NTRK3: variants seen among roughly 807,000 people sequenced by gnomAD.
NTRK3 encodes the protein neurotrophic receptor tyrosine kinase 3, also known as NT-3 growth factor receptor.
Under a neutral mutation model 91.7 loss-of-function variants are expected in NTRK3, and 24 were observed. The ratio of observed to expected loss-of-function variants is 0.26; its 90% CI spans 0.19 to 0.37. The LOEUF is 0.37. NTRK3 is among the 10% of genes least tolerant of loss of function. The pLI is 1.00. For synonymous variants in NTRK3, 483 were observed against 404.0 expected (o/e 1.20, Z -2.34); for missense variants, 880 against 1,068.9 (o/e 0.82, Z 2.46).
intron 13 of NTRK3, among the ~76,000 whole-genome samples, chr15:88,095,181 A>C (rs2049458108): frequency 6.6e-6 from 1 of 152,248 alleles, no homozygotes; most frequent in Non-Finnish European, 1.5e-5. Flanking sequence ...CTTCAAGTCA[A>C]TGGTCCCATG....
intron 5 of NTRK3, among the ~76,000 whole-genome samples, chr15:88,157,171 ACT>A (rs1427458724): frequency 6.6e-6 from 1 of 151,504 alleles, no homozygotes; most frequent in East Asian, 1.9e-4. Context: ...GCCAAGCCAG[ACT>A]CTCCCAGTGG....
intron 13 of NTRK3, among the ~76,000 whole-genome samples, chr15:88,081,725 T>G (rs751514962): frequency 6.6e-6 from 1 of 152,212 alleles, no homozygotes; most frequent in Non-Finnish European, 1.5e-5. Flanking sequence ...TAAATGGGGC[T>G]GAAGTACCTG....
At chr15:88,113,777 C>T (rs1018000920) in intron 13 of NTRK3, among the ~76,000 whole-genome samples, 2 of 152,198 alleles carry the variant, frequency 1.3e-5, no homozygotes, top group African/African-American at 4.8e-5. Flanking sequence ...GCTACAACAG[C>T]AGCCTTGAGT....
intron 13 of NTRK3, among the ~76,000 whole-genome samples, chr15:88,121,732 C>T (rs1422996651): frequency 6.6e-6 from 1 of 152,244 alleles, no homozygotes; most frequent in East Asian, 1.9e-4. Context: ...ACCTCCAGGG[C>T]CCTGCTCCAG....
chr15:88,151,221 C>G (rs1228356466), intron 5 of NTRK3, among the ~76,000 whole-genome samples: 18 of 152,158 alleles, frequency 1.2e-4, no homozygotes, highest in Non-Finnish European at 1.5e-5. Context: ...CCCCTTCTAT[C>G]TCTCGCCTGA....
intron 13 of NTRK3, among the ~76,000 whole-genome samples, chr15:88,100,595 A>G (rs968548244): frequency 1.3e-5 from 2 of 152,226 alleles, no homozygotes; most frequent in Admixed American, 1.3e-4. Context: ...GAAGAAGGGC[A>G]TAAGAAAAAG....
chr15:87,935,905 A>T (rs889110996), intron 15 of NTRK3, among the ~76,000 whole-genome samples: 20 of 152,190 alleles, frequency 1.3e-4, no homozygotes, highest in Admixed American at 3.9e-4. Context: ...CTGTGCTTTC[A>T]AAGTGGGCTT....
intron 13 of NTRK3, among the ~76,000 whole-genome samples, chr15:88,077,518 C>G (rs775270474): frequency 3.0e-4 from 45 of 151,968 alleles, no homozygotes; most frequent in Non-Finnish European, 6.0e-4. Context: ...CCTTGAGAAA[C>G]CCGGCACTTT....
chr15:87,909,009 A>T (rs781637459), intron 17 of NTRK3, among the ~76,000 whole-genome samples: 9 of 152,126 alleles, frequency 5.9e-5, no homozygotes, highest in Non-Finnish European at 1.0e-4. Flanking sequence ...TCAAAGAAAC[A>T]GCGCTTTCTC....
chr15:88,085,360 C>A (rs956604942), intron 13 of NTRK3, among the ~76,000 whole-genome samples: 2 of 152,186 alleles, frequency 1.3e-5, no homozygotes, highest in Non-Finnish European at 2.9e-5. Context: ...CAATGAAATG[C>A]AAGGGAGGTG....
intron 14 of NTRK3, among the ~76,000 whole-genome samples, chr15:88,000,890 T>C (rs2076053119): frequency 1.3e-5 from 2 of 152,232 alleles, no homozygotes; most frequent in African/African-American, 4.8e-5. Context: ...GTAGGTCATA[T>C]GGTAATTCAA....
chr15:88,096,622 C>A (rs1446568175), intron 13 of NTRK3, among the ~76,000 whole-genome samples: 2 of 152,148 alleles, frequency 1.3e-5, no homozygotes, highest in African/African-American at 4.8e-5. Context: ...CAGGTACAAC[C>A]CAGAAGTGTG....
chr15:88,166,498 G>A (rs528708707), intron 5 of NTRK3, among the ~76,000 whole-genome samples: 34 of 152,330 alleles, frequency 2.2e-4, no homozygotes, highest in African/African-American at 8.2e-4. Context: ...TCTCTGGGGA[G>A]CTGTTCATAG....
At chr15:88,082,949 C>G (rs2048188719) in intron 13 of NTRK3, among the ~76,000 whole-genome samples, 1 of 152,164 alleles carries the variant, frequency 6.6e-6, no homozygotes, top group Non-Finnish European at 1.5e-5. Context: ...TCCAAATATA[C>G]AGTGTTTCTC....
At chr15:88,143,432 A>T (rs1597570962) in intron 6 of NTRK3, among the ~76,000 whole-genome samples, 1 of 152,150 alleles carries the variant, frequency 6.6e-6, no homozygotes, top group African/African-American at 2.4e-5. Context: ...CTTATTTCAA[A>T]CTTCTGGCCT....
chr15:88,018,254 A>G (rs975862705), intron 14 of NTRK3, among the ~76,000 whole-genome samples: 7 of 152,220 alleles, frequency 4.6e-5, no homozygotes, highest in Non-Finnish European at 1.5e-5. Flanking sequence ...GGATGACTAC[A>G]TAGGAGCTAA....
At chr15:87,915,926 C>G (rs937272967) in intron 17 of NTRK3, among the ~76,000 whole-genome samples, 4 of 152,142 alleles carry the variant, frequency 2.6e-5, no homozygotes, top group Non-Finnish European at 4.4e-5. Context: ...GAATATCTGC[C>G]TGACTGCAAT....
chr15:88,084,920 C>T (rs913408702), intron 13 of NTRK3, among the ~76,000 whole-genome samples: 4 of 152,108 alleles, frequency 2.6e-5, no homozygotes, highest in Non-Finnish European at 5.9e-5. Context: ...TGTACATGCG[C>T]CCGCATGGGT....
chr15:88,209,463 A>C (rs2049059363), intron 3 of NTRK3, among the ~76,000 whole-genome samples: 1 of 152,238 alleles, frequency 6.6e-6, no homozygotes, highest in Non-Finnish European at 1.5e-5. Flanking sequence ...AGGAAAACGG[A>C]ATTCACATCC....
Sources: allele counts gnomAD v4.1 joint callset (sites outside exome capture counted in the v4.1 genomes callset), GRCh38; gene constraint gnomAD v4.1.1; transcripts MANE v1.5; gene names NCBI Gene and HGNC (gene_info 2026-07-23, HGNC 2026-07-21).